The following C2CD3 variants were observed in gnomAD, a reference collection of about 807,000 sequenced individuals.
The protein encoded by C2CD3 is C2 domain containing 3 centriole elongation regulator, also known as C2 domain-containing protein 3.
Under a neutral mutation model 234.0 loss-of-function variants are expected in C2CD3, and 148 were observed. The ratio of observed to expected loss-of-function variants is 0.63; its 90% CI spans 0.55 to 0.72. C2CD3 has a LOEUF of 0.72. Among genes scored for constraint, C2CD3 ranks in the 30% least tolerant of loss-of-function variants. C2CD3 has a pLI of 0.00. For synonymous variants in C2CD3, 1,000 were observed against 1,035.4 expected (o/e 0.97, Z 0.66); for missense variants, 2,577 against 2,811.5 (o/e 0.92, Z 1.89).
rs1955160410 is a variant in C2CD3, at chr11:74,078,201, G to T, written c.4517C>A (p.Pro1506His). ...GCCAATCCAGCTGTCTGTCTGATGG[G>T]GTCTCTCCACACTGTCATTGCCATA... ...RAYGNDSVER[P>H]HQTDSWIGSA... Residue 1506 changes from proline to histidine, a missense_variant, in exon 23 of 33, where the codon CCC becomes CAC. Coordinates refer to ENST00000334126, the MANE Select transcript of C2CD3 (RefSeq NM_001286577.2). 1 of 1,613,848 alleles carries T rather than the reference G, an allele frequency of 6.2e-7. No individual in the cohort carries two copies. Among genetic ancestry groups the T allele is most frequent in the African/African-American group, 1.3e-5 (1 of 74,844 alleles).
At chr11:74,087,577 A>G (rs1955696782) in intron 20 of C2CD3, among the ~76,000 whole-genome samples, 1 of 152,040 alleles carries the variant, frequency 6.6e-6, no homozygotes. Context: ...AAAAAAAAAA[A>G]TGAGGATAAA....
At chr11:74,048,689 A>G (rs1330373671) in intron 27 of C2CD3, among the ~76,000 whole-genome samples, 1 of 152,222 alleles carries the variant, frequency 6.6e-6, no homozygotes, top group East Asian at 1.9e-4. Flanking sequence ...TTCTTGTCTT[A>G]GGACTACCAG....
chr11:74,029,166 C>T (rs190771803), intron 31 of C2CD3, among the ~76,000 whole-genome samples: 1 of 152,288 alleles, frequency 6.6e-6, no homozygotes, highest in Admixed American at 6.5e-5. Context: ...TGGTGTTCTA[C>T]AGGTATTTTT....
chr11:74,125,853 T>C (rs949719961), intron 7 of C2CD3, among the ~76,000 whole-genome samples: 2 of 152,170 alleles, frequency 1.3e-5, no homozygotes, highest in Non-Finnish European at 2.9e-5. Context: ...ATATGTTCCA[T>C]TCCCCTCCAC....
intron 13 of C2CD3, among the ~76,000 whole-genome samples, chr11:74,104,766 A>C (rs1419745571): frequency 1.3e-5 from 2 of 152,216 alleles, no homozygotes; most frequent in African/African-American, 4.8e-5. Context: ...CTTCGATCTG[A>C]AATCCTAAGT....
At chr11:74,128,035 TTG>T (rs1396192923) in intron 7 of C2CD3, among the ~76,000 whole-genome samples, 3 of 152,154 alleles carry the variant, frequency 2.0e-5, no homozygotes, top group Non-Finnish European at 2.9e-5. Context: ...GCTAATTTTT[TTG>T]TGTTTTCAGT....
At chr11:74,124,019 T>G (rs1957315429) in intron 7 of C2CD3, among the ~76,000 whole-genome samples, 1 of 152,098 alleles carries the variant, frequency 6.6e-6, no homozygotes. Context: ...GTCCCTTTTT[T>G]GATAGCAATT....
intron 3 of C2CD3, among the ~76,000 whole-genome samples, chr11:74,156,615 G>C (rs1856042551): frequency 2.0e-5 from 3 of 152,104 alleles, no homozygotes. Flanking sequence ...CTTGAATCTA[G>C]CCTGGGAAAC....
intron 3 of C2CD3, among the ~76,000 whole-genome samples, chr11:74,145,762 A>T (rs958493505): frequency 2.6e-5 from 4 of 152,130 alleles, no homozygotes; most frequent in African/African-American, 9.7e-5. Context: ...TCTTCCGCAT[A>T]TAGCTAGCCA....
In C2CD3 at chr11:74,168,702, A is replaced by C. The variant is rs7120763; in HGVS notation, c.56-89T>G. ...CTTTTTGAATGAAAACAAACAGAACACTTTAGTCTTAAGTTCAGCAATTTA... is the reference window on the plus strand; with the variant it reads ...CTTTTTGAATGAAAACAAACAGAACCCTTTAGTCTTAAGTTCAGCAATTTA... On this transcript the variant is annotated intron_variant, in intron 1 of 32. Coordinates refer to ENST00000334126, the MANE Select transcript of C2CD3 (RefSeq NM_001286577.2). 0.032 allele frequency: 39,566 copies of C among 1,221,390 alleles called. 1,256 individuals carry two copies. Among genetic ancestry groups the C allele is most frequent in the African/African-American group, 0.15 (9,603 of 65,992 alleles). 75.7% of individuals were successfully genotyped at this position (1,221,390 alleles called of 1,614,324 possible).
intron 3 of C2CD3, among the ~76,000 whole-genome samples, chr11:74,150,581 C>T (rs564163534): frequency 7.5e-6 from 1 of 133,298 alleles, no homozygotes; most frequent in Non-Finnish European, 1.6e-5. Context: ...AAATAAATAA[C>T]GACTACAGGT....
intron 28 of C2CD3, among the ~76,000 whole-genome samples, chr11:74,042,884 C>T (rs764926122): frequency 4.6e-5 from 7 of 152,298 alleles, no homozygotes; most frequent in East Asian, 3.9e-4. Flanking sequence ...ACATATATTA[C>T]GCCATGTGAT....
At chr11:74,095,172 G>A in intron 17 of C2CD3, 56 bp downstream of exon 17, 1 of 1,212,782 alleles carries the variant, frequency 8.2e-7, no homozygotes, top group Non-Finnish European at 1.1e-6. Flanking sequence ...AAACTCTTAA[G>A]TATAATCTAA....
chr11:74,126,150 A>G (rs1406442016), intron 7 of C2CD3, among the ~76,000 whole-genome samples: 1 of 152,232 alleles, frequency 6.6e-6, no homozygotes, highest in African/African-American at 2.4e-5. Flanking sequence ...TAGTTTGATT[A>G]GGAGTGGAAT....
At chr11:74,070,019 A>G (rs1183753724) in intron 24 of C2CD3, among the ~76,000 whole-genome samples, 2 of 152,240 alleles carry the variant, frequency 1.3e-5, no homozygotes, top group Non-Finnish European at 2.9e-5. Flanking sequence ...TGATGGGCTA[A>G]AGAATGCCTC....
At chr11:74,146,719 C>CATAT (rs201264300) in intron 3 of C2CD3, among the ~76,000 whole-genome samples, 5 of 142,166 alleles carry the variant, frequency 3.5e-5, no homozygotes, top group African/African-American at 5.5e-5. Flanking sequence ...ACCACACACA[C>CATAT]ACACACACAC....
chr11:74,100,439 C>T, intron 15 of C2CD3, 86 bp downstream of exon 15: 1 of 1,280,142 alleles, frequency 7.8e-7, no homozygotes, highest in Non-Finnish European at 1.1e-6. Flanking sequence ...CTGGGCTATT[C>T]ATGTTTGCAA....
At chr11:74,150,518 A>AC (rs1855553803) in intron 3 of C2CD3, among the ~76,000 whole-genome samples, 1 of 71,162 alleles carries the variant, frequency 1.4e-5, no homozygotes, top group Non-Finnish European at 3.0e-5. Flanking sequence ...AAAAAAAACA[A>AC]AAAAAAAACA....
chr11:74,102,124 T>G lies in C2CD3; in HGVS notation c.2580+1007A>C, dbSNP rs561615225. Among the ~76,000 whole-genome samples the G allele has an allele frequency of 3.3e-5, 5 of 152,266 alleles. No homozygotes were observed. In the South Asian group the frequency reaches 1.0e-3, roughly 32 times the overall value. ...GTCTTCCAGATAATTAAGTTAGTAG[T>G]ATCTATTAGACTTGGTAAGTAATTA... On this transcript the variant is annotated intron_variant, in intron 14 of 32. Coordinates refer to ENST00000334126, the MANE Select transcript of C2CD3 (RefSeq NM_001286577.2).
Sources: allele counts gnomAD v4.1 joint callset (sites outside exome capture counted in the v4.1 genomes callset), GRCh38; gene constraint gnomAD v4.1.1; transcripts MANE v1.5; gene names NCBI Gene and HGNC (gene_info 2026-07-23, HGNC 2026-07-21).